Variants in SEMA6D observed in about 807,000 individuals in gnomAD.
The protein encoded by SEMA6D is semaphorin-6D.
A neutral mutation model predicts 106.6 loss-of-function variants in SEMA6D; 35 were observed. The observed-to-expected ratio is 0.33, with a 90% confidence interval of 0.25 to 0.44. The LOEUF (loss-of-function observed/expected upper bound fraction) is 0.44. Ranked by LOEUF, SEMA6D falls within the 20% of genes least tolerant of loss-of-function variation. The pLI is 1.00. For missense variants in SEMA6D, 1,185 were observed against 1,345.9 expected (o/e 0.88, Z 1.87); for synonymous variants, 499 against 487.7 (o/e 1.02, Z -0.31).
chr15:47,682,295 G>A (rs1465139357), intron 4 of SEMA6D, among the ~76,000 whole-genome samples: 10 of 152,032 alleles, frequency 6.6e-5, no homozygotes, highest in Non-Finnish European at 1.3e-4. Flanking sequence ...AGCCTCCCGA[G>A]TAGCTGGGAC....
chr15:47,658,030 A>C (rs892068782), intron 4 of SEMA6D, among the ~76,000 whole-genome samples: 1 of 151,238 alleles, frequency 6.6e-6, no homozygotes, highest in African/African-American at 2.4e-5. Context: ...GTGAGCCACC[A>C]CGCCCAGCAG....
At chr15:47,706,694 G>T (rs1285785701) in intron 4 of SEMA6D, among the ~76,000 whole-genome samples, 2 of 151,298 alleles carry the variant, frequency 1.3e-5, no homozygotes, top group African/African-American at 4.9e-5. Context: ...TCTGTCTCTG[G>T]ACCTCTCTCT....
At chr15:47,239,692 T>C (rs2141730999) in intron 1 of SEMA6D, among the ~76,000 whole-genome samples, 1 of 152,268 alleles carries the variant, frequency 6.6e-6, no homozygotes, top group Non-Finnish European at 1.5e-5. Context: ...TACCATTGCA[T>C]TGTGTGATTG....
chr15:47,419,001 A>G (rs2041068698), intron 2 of SEMA6D, among the ~76,000 whole-genome samples: 1 of 152,182 alleles, frequency 6.6e-6, no homozygotes, highest in Admixed American at 6.5e-5. Context: ...CAAGATAAAA[A>G]GGAGCTGGGA....
chr15:47,587,240 C>T (rs1398886658), intron 3 of SEMA6D, among the ~76,000 whole-genome samples: 1 of 152,156 alleles, frequency 6.6e-6, no homozygotes, highest in African/African-American at 2.4e-5. Context: ...CCCCACCCGT[C>T]ACGGCTCTGT....
chr15:47,629,051 G>A (rs1170302332), intron 4 of SEMA6D, among the ~76,000 whole-genome samples: 1 of 151,888 alleles, frequency 6.6e-6, no homozygotes, highest in East Asian at 1.9e-4. Context: ...TATTCATGTG[G>A]GTCTATTTTT....
intron 3 of SEMA6D, among the ~76,000 whole-genome samples, chr15:47,517,386 G>T (rs2141877696): frequency 6.6e-6 from 1 of 152,188 alleles, no homozygotes; most frequent in South Asian, 2.1e-4. Flanking sequence ...GTGTGTGTGA[G>T]TGTGTGCGTG....
In SEMA6D at chr15:47,197,431, A is replaced by G. The variant is rs146830551; in HGVS notation, c.-239+13013A>G. Among the ~76,000 whole-genome samples the G allele has an allele frequency of 1.3e-3, 198 of 152,280 alleles. 2 individuals carry two copies. The highest frequency in any genetic ancestry group is 4.5e-3 in the African/African-American group (189 of 41,558). ...AAATTCTGTTTTTAAATTAGGTTAC[A>G]GATGTGCATAGACTGCTCTTCTATC... On this transcript the variant is annotated intron_variant, in intron 1 of 19. Transcript: ENST00000558014.
intron 3 of SEMA6D, among the ~76,000 whole-genome samples, chr15:47,535,823 G>T (rs1355702507): frequency 6.6e-6 from 1 of 152,058 alleles, no homozygotes; most frequent in African/African-American, 2.4e-5. Flanking sequence ...ATAATTCAAA[G>T]GTATGCTGAA....
intron 1 of SEMA6D, among the ~76,000 whole-genome samples, chr15:47,331,304 G>A (rs1309681592): frequency 6.6e-6 from 1 of 152,104 alleles, no homozygotes; most frequent in African/African-American, 2.4e-5. Context: ...AAAAGGGCAG[G>A]CTTTAAGGAA....
At chr15:47,466,140 A>T (rs376259015) in intron 2 of SEMA6D, among the ~76,000 whole-genome samples, 12 of 152,326 alleles carry the variant, frequency 7.9e-5, no homozygotes, top group African/African-American at 2.9e-4. Flanking sequence ...CACCTCACAT[A>T]GTTACCATTT....
chr15:47,328,729 T>C (rs1225216842), intron 1 of SEMA6D, among the ~76,000 whole-genome samples: 3 of 152,156 alleles, frequency 2.0e-5, no homozygotes, highest in African/African-American at 7.2e-5. Flanking sequence ...CAGTAGCCTC[T>C]TCATCCAAGC....
At chr15:47,262,843 A>C (rs2034141173) in intron 1 of SEMA6D, among the ~76,000 whole-genome samples, 1 of 152,122 alleles carries the variant, frequency 6.6e-6, no homozygotes, top group Non-Finnish European at 1.5e-5. Context: ...TGGGTACAAA[A>C]ACAGACACAT....
intron 3 of SEMA6D, among the ~76,000 whole-genome samples, chr15:47,580,090 G>A (rs1384379104): frequency 7.2e-5 from 11 of 152,166 alleles, no homozygotes; most frequent in African/African-American, 2.7e-4. Flanking sequence ...TGTCTGAGAT[G>A]ACCTTTCAAA....
intron 4 of SEMA6D, among the ~76,000 whole-genome samples, chr15:47,640,040 C>T (rs1224954212): frequency 6.6e-6 from 1 of 152,120 alleles, no homozygotes; most frequent in Non-Finnish European, 1.5e-5. Context: ...ACAAATGTAT[C>T]ATAGTAATGT....
At chr15:47,769,515 C>A (rs188801787) in intron 18 of SEMA6D, among the ~76,000 whole-genome samples, 1 of 151,830 alleles carries the variant, frequency 6.6e-6, no homozygotes, top group Non-Finnish European at 1.5e-5. Flanking sequence ...TTTTCTTTCT[C>A]GGTCTTTCAC....
chr15:47,518,871 C>T (rs184944237), intron 3 of SEMA6D, among the ~76,000 whole-genome samples: 2 of 152,188 alleles, frequency 1.3e-5, no homozygotes, highest in African/African-American at 4.8e-5. Flanking sequence ...CCTGAAGGAC[C>T]TCCCTGAGGC....
At chr15:47,574,888 A>C (rs1463463089) in intron 3 of SEMA6D, among the ~76,000 whole-genome samples, 1 of 152,144 alleles carries the variant, frequency 6.6e-6, no homozygotes, top group Non-Finnish European at 1.5e-5. Flanking sequence ...GTTTGGTCTT[A>C]TTTGGGTCTA....
chr15:47,204,585 A>G (rs1894932852), intron 1 of SEMA6D, among the ~76,000 whole-genome samples: 1 of 152,098 alleles, frequency 6.6e-6, no homozygotes, highest in Admixed American at 6.6e-5. Context: ...TGGAGTTAGG[A>G]CACTAGGATA....
Sources: allele counts gnomAD v4.1 joint callset (sites outside exome capture counted in the v4.1 genomes callset), GRCh38; gene constraint gnomAD v4.1.1; transcripts MANE v1.5; gene names NCBI Gene and HGNC (gene_info 2026-07-23, HGNC 2026-07-21).